Variants in EEF1AKMT1 observed in about 807,000 individuals in gnomAD.
EEF1AKMT1 encodes EEF1A lysine methyltransferase 1, also known as N-6 adenine-specific DNA methyltransferase 2 (putative).
A neutral mutation model predicts 21.0 loss-of-function variants in EEF1AKMT1; 18 were observed. That is an observed-to-expected ratio of 0.86 (90% CI 0.59 to 1.27). The LOEUF (loss-of-function observed/expected upper bound fraction) is 1.27, where lower values mean the gene tolerates loss of function less well. Among genes scored for constraint, EEF1AKMT1 ranks in the 50% most tolerant of loss-of-function variants. The probability of loss-of-function intolerance (pLI) is 0.00; values close to 1 mark genes in which losing one functional copy is unlikely to be tolerated. For synonymous variants in EEF1AKMT1, 109 were observed against 94.8 expected (o/e 1.15, Z -0.87); for missense variants, 246 against 258.6 (o/e 0.95, Z 0.33).
intron 1 of EEF1AKMT1, among the ~76,000 whole-genome samples, chr13:20,766,434 C>A (rs9509367): frequency 0.37 from 56,115 of 151,902 alleles, 12,432 homozygotes; most frequent in Non-Finnish European, 0.5. Context: ...TAAATATATT[C>A]ACTACATAGC....
At chr13:20,765,618 G>T (rs930228656) in intron 1 of EEF1AKMT1, among the ~76,000 whole-genome samples, 1 of 151,754 alleles carries the variant, frequency 6.6e-6, no homozygotes, top group Non-Finnish European at 1.5e-5. Flanking sequence ...TCACCATGTT[G>T]GCCAGGCTGG....
intron 2 of EEF1AKMT1, among the ~76,000 whole-genome samples, chr13:20,756,273 T>TAA (rs540204579): frequency 6.7e-6 from 1 of 148,868 alleles, no homozygotes; most frequent in Non-Finnish European, 1.5e-5. Flanking sequence ...CTATTTCCTT[T>TAA]AAAAAAAAAA....
At chr13:20,771,514 T>C (rs1413524789) in intron 1 of EEF1AKMT1, among the ~76,000 whole-genome samples, 1 of 152,154 alleles carries the variant, frequency 6.6e-6, no homozygotes, top group Non-Finnish European at 1.5e-5. Context: ...GCTTACATTC[T>C]AGAGAGGAAA....
intron 2 of EEF1AKMT1, among the ~76,000 whole-genome samples, chr13:20,754,199 A>G (rs1270690171): frequency 6.6e-6 from 1 of 151,674 alleles, no homozygotes; most frequent in Non-Finnish European, 1.5e-5. Context: ...CTTGTCTGGG[A>G]GTCTTGATTT....
chr13:20,729,262 G>A (rs774811046), intron 4 of EEF1AKMT1, 46 bp from the exon 5 acceptor site: 19 of 1,611,350 alleles, frequency 1.2e-5, no homozygotes, highest in Admixed American at 3.3e-5. Context: ...CAACCCAGCC[G>A]GAGCTCAGTG....
At chr13:20,770,638 T>C (rs1265116186) in intron 1 of EEF1AKMT1, among the ~76,000 whole-genome samples, 1 of 152,188 alleles carries the variant, frequency 6.6e-6, no homozygotes, top group East Asian at 1.9e-4. Context: ...CTAAAAGGTT[T>C]CAATTTGGTA....
At chr13:20,769,941 G>T (rs2059054679) in intron 1 of EEF1AKMT1, among the ~76,000 whole-genome samples, 2 of 152,054 alleles carry the variant, frequency 1.3e-5, no homozygotes, top group South Asian at 4.1e-4. Context: ...GAACAAAATG[G>T]AAATATAAAT....
intron 2 of EEF1AKMT1, among the ~76,000 whole-genome samples, chr13:20,739,350 T>C (rs2058855466): frequency 6.6e-6 from 1 of 152,206 alleles, no homozygotes; most frequent in Admixed American, 6.5e-5. Context: ...CCAAGAGGGT[T>C]GCCGCCGCTA....
At chr13:20,763,576 C>T (rs931901059) in intron 1 of EEF1AKMT1, among the ~76,000 whole-genome samples, 1 of 152,052 alleles carries the variant, frequency 6.6e-6, no homozygotes, top group African/African-American at 2.4e-5. Context: ...CCTCAGCCTC[C>T]CAAATAGCTG....
In EEF1AKMT1 at chr13:20,728,961, G is replaced by C. The variant is rs2058774625; in HGVS notation, c.*119C>G. On this transcript the variant is annotated 3_prime_UTR_variant, in exon 5 of 5. Transcript: ENST00000382758. ...ATCGCACACTTTATTTTGAAAACCA[G>C]GCCAGGGACAGCTCCAGTTTGGGGG... 6 of 1,349,168 alleles carry C rather than the reference G, an allele frequency of 4.4e-6. No individual in the cohort carries two copies. The highest frequency in any genetic ancestry group is 1.8e-5 in the Admixed American group (1 of 54,728). 83.6% of individuals were successfully genotyped at this position (1,349,168 alleles called of 1,614,324 possible).
chr13:20,738,813 G>A (rs909868864), intron 2 of EEF1AKMT1, among the ~76,000 whole-genome samples: 2 of 152,248 alleles, frequency 1.3e-5, no homozygotes, highest in Non-Finnish European at 2.9e-5. Flanking sequence ...TGGTTGCCAG[G>A]TGTTGGGAGG....
chr13:20,742,223 A>T lies in EEF1AKMT1; in HGVS notation c.145-4418T>A, dbSNP rs150944236. ...CTTAATTTGCATTTCCCTGTTGTAC[A>T]GTTGAGTATCTTTTCCTATATTTAA... On this transcript the variant is annotated intron_variant, in intron 2 of 4. Transcript: ENST00000382758. 3.0e-3 allele frequency among the ~76,000 whole-genome samples: 464 copies of T among 152,278 alleles called. 1 individual carries two copies. Among genetic ancestry groups the T allele is most frequent in the African/African-American group, 0.011 (453 of 41,568 alleles).
intron 1 of EEF1AKMT1, among the ~76,000 whole-genome samples, chr13:20,760,328 A>C (rs2058994631): frequency 6.6e-6 from 1 of 152,196 alleles, no homozygotes; most frequent in Non-Finnish European, 1.5e-5. Context: ...AAAATGTGCT[A>C]CATATACACC....
chr13:20,771,480 T>G (rs2059062495), intron 1 of EEF1AKMT1, among the ~76,000 whole-genome samples: 1 of 152,086 alleles, frequency 6.6e-6, no homozygotes, highest in African/African-American at 2.4e-5. Context: ...TGGTGATGAG[T>G]CTCAAAGTCC....
intron 1 of EEF1AKMT1, among the ~76,000 whole-genome samples, chr13:20,765,427 T>TTG (rs2059025004): frequency 7.1e-6 from 1 of 141,424 alleles, no homozygotes; most frequent in African/African-American, 2.6e-5. Context: ...TTTTTTTTTT[T>TTG]TTTGAGATAG....
At chr13:20,765,416 T>TTTG (rs1555327452) in intron 1 of EEF1AKMT1, among the ~76,000 whole-genome samples, 24 of 128,996 alleles carry the variant, frequency 1.9e-4, no homozygotes, top group African/African-American at 6.9e-4. Flanking sequence ...TTTTTTTTTT[T>TTTG]TTTTTTTTTT....
chr13:20,739,142 G>T (rs146395527), intron 2 of EEF1AKMT1, among the ~76,000 whole-genome samples: 1 of 152,014 alleles, frequency 6.6e-6, no homozygotes, highest in Non-Finnish European at 1.5e-5. Context: ...TGGCACATCT[G>T]GAGTTGGTAG....
intron 2 of EEF1AKMT1, 140 bp from the exon 3 acceptor site, chr13:20,737,945 T>A (rs933257748): frequency 1.5e-5 from 7 of 465,330 alleles, no homozygotes; most frequent in Middle Eastern, 5.9e-4. Context: ...CAGATATTTT[T>A]AAAAAGTTTT....
chr13:20,751,621 G>C (rs1000118744), intron 2 of EEF1AKMT1, among the ~76,000 whole-genome samples: 68 of 151,756 alleles, frequency 4.5e-4, no homozygotes, highest in African/African-American at 1.6e-3. Flanking sequence ...TATTCGCTCA[G>C]GATTGCTTTG....
Sources: allele counts gnomAD v4.1 joint callset (sites outside exome capture counted in the v4.1 genomes callset), GRCh38; gene constraint gnomAD v4.1.1; transcripts MANE v1.5; gene names NCBI Gene and HGNC (gene_info 2026-07-23, HGNC 2026-07-21).